The following PLPPR1 variants were observed in gnomAD, a reference collection of about 807,000 sequenced individuals.
PLPPR1 encodes phospholipid phosphatase related 1, also known as phospholipid phosphatase-related protein type 1.
Under a neutral mutation model 33.1 loss-of-function variants are expected in PLPPR1, and 10 were observed. The ratio of observed to expected loss-of-function variants is 0.30; its 90% CI spans 0.19 to 0.51. The LOEUF (loss-of-function observed/expected upper bound fraction) is 0.51, where lower values mean the gene tolerates loss of function less well. Ranked by LOEUF, PLPPR1 falls within the 20% of genes least tolerant of loss-of-function variation. The pLI is 0.97. For missense variants in PLPPR1, 304 were observed against 408.1 expected (o/e 0.74, Z 2.20); for synonymous variants, 151 against 151.0 (o/e 1.00, Z 0.00).
At chr9:101,269,764 G>C in intron 2 of PLPPR1, 116 bp from the exon 3 acceptor site, 1 of 973,136 alleles carries the variant, frequency 1.0e-6, no homozygotes, top group South Asian at 1.4e-5. Flanking sequence ...GCACACACTC[G>C]CCAATACCAA....
intron 2 of PLPPR1, among the ~76,000 whole-genome samples, chr9:101,246,055 A>AAT (rs58070017): frequency 5.3e-4 from 45 of 85,604 alleles, no homozygotes; most frequent in East Asian, 7.8e-4. Flanking sequence ...ATTGAATATG[A>AAT]ATATATATAT....
At chr9:101,169,903 C>A (rs1022151390) in intron 1 of PLPPR1, among the ~76,000 whole-genome samples, 7 of 151,402 alleles carry the variant, frequency 4.6e-5, no homozygotes, top group Admixed American at 1.3e-4. Flanking sequence ...TGAGTTCTAT[C>A]TAGTTGCAGT....
In PLPPR1 at chr9:101,214,193, C is replaced by T. The variant is rs549893277; in HGVS notation, c.63+28636C>T. Among the ~76,000 whole-genome samples, 24 of 152,288 alleles carry T rather than the reference C, an allele frequency of 1.6e-4. No individual in the cohort carries two copies. The East Asian group carries it at 4.4e-3, about 28-fold the overall frequency. On this transcript the variant is annotated intron_variant, in intron 2 of 7. Transcript: ENST00000374874. ...GGTCAGAAATATTTTTGTTCAAGTC[C>T]ATTCAAGAATCAATCACATTCTGCA...
In PLPPR1 at chr9:101,116,279, C is replaced by T. The variant is rs1831116797; in HGVS notation, c.-45-69171C>T. On this transcript the variant is annotated intron_variant, in intron 1 of 7. Coordinates refer to ENST00000374874, the MANE Select transcript of PLPPR1 (RefSeq NM_207299.2). ...TTTTTCTGAATTTAGACTAACTCTGCTTATTCATGTGAAACCACCAGTGAT... is the reference window on the plus strand; with the variant it reads ...TTTTTCTGAATTTAGACTAACTCTGTTTATTCATGTGAAACCACCAGTGAT... 2.0e-5 allele frequency among the ~76,000 whole-genome samples: 3 copies of T among 152,246 alleles called. No homozygotes were observed. In the South Asian group the frequency reaches 6.2e-4, roughly 32 times the overall value.
chr9:101,256,589 A>G (rs1198164417), intron 2 of PLPPR1, among the ~76,000 whole-genome samples: 2 of 152,134 alleles, frequency 1.3e-5, no homozygotes, highest in African/African-American at 4.8e-5. Context: ...GGTGGTGCTC[A>G]TTGTAAAGTA....
intron 1 of PLPPR1, among the ~76,000 whole-genome samples, chr9:101,146,355 C>A (rs866994122): frequency 6.6e-5 from 10 of 152,162 alleles, no homozygotes; most frequent in Admixed American, 2.6e-4. Context: ...CACTTCATCT[C>A]CTCTTATAAG....
intron 2 of PLPPR1, among the ~76,000 whole-genome samples, chr9:101,220,956 G>C: frequency 6.6e-6 from 1 of 152,192 alleles, no homozygotes; most frequent in East Asian, 1.9e-4. Flanking sequence ...TGAAGAAATG[G>C]ATGCTGGGTT....
At chr9:101,132,336 G>T (rs947270047) in intron 1 of PLPPR1, among the ~76,000 whole-genome samples, 1 of 152,026 alleles carries the variant, frequency 6.6e-6, no homozygotes, top group East Asian at 1.9e-4. Context: ...GTGCTAAAAA[G>T]AAATAAGCTA....
At chr9:101,255,266 G>A (rs923616080) in intron 2 of PLPPR1, among the ~76,000 whole-genome samples, 2 of 152,070 alleles carry the variant, frequency 1.3e-5, no homozygotes, top group African/African-American at 4.8e-5. Context: ...AAATACTGCA[G>A]CATGACCAAT....
intron 7 of PLPPR1, among the ~76,000 whole-genome samples, chr9:101,323,118 C>T (rs192039071): frequency 5.7e-4 from 87 of 152,150 alleles, no homozygotes; most frequent in African/African-American, 2.0e-3. Flanking sequence ...TAAAAATGTG[C>T]GGGATGCTAA....
chr9:101,148,255 G>C lies in PLPPR1; in HGVS notation c.-45-37195G>C, dbSNP rs143873705. Among the ~76,000 whole-genome samples the C allele has an allele frequency of 7.6e-3, 1,159 of 152,166 alleles. 9 individuals are homozygous for C. Among genetic ancestry groups the C allele is most frequent in the African/African-American group, 0.024 (1,005 of 41,512 alleles). ...CCATATTTCACTGGCTGGGGACTCTGCCCTCTTTTAAAGGAAACTTAAGTG... is the reference window on the plus strand; with the variant it reads ...CCATATTTCACTGGCTGGGGACTCTCCCCTCTTTTAAAGGAAACTTAAGTG... On this transcript the variant is annotated intron_variant, in intron 1 of 7. Coordinates refer to ENST00000374874, the MANE Select transcript of PLPPR1 (RefSeq NM_207299.2).
intron 1 of PLPPR1, among the ~76,000 whole-genome samples, chr9:101,042,629 CA>C (rs1295765710): frequency 2.0e-5 from 3 of 151,710 alleles, no homozygotes; most frequent in Non-Finnish European, 4.4e-5. Flanking sequence ...TCTTTTTCTT[CA>C]AAAAAAATTC....
chr9:101,190,843 T>C (rs1826285512), intron 2 of PLPPR1, among the ~76,000 whole-genome samples: 2 of 152,132 alleles, frequency 1.3e-5, no homozygotes, highest in Admixed American at 6.5e-5. Flanking sequence ...CAAGAGCACC[T>C]ACAGGGAAAA....
intron 1 of PLPPR1, among the ~76,000 whole-genome samples, chr9:101,055,408 G>A (rs1217887814): frequency 6.6e-6 from 1 of 152,158 alleles, no homozygotes; most frequent in East Asian, 1.9e-4. Flanking sequence ...CTCCAGCTGA[G>A]ACAGTTGGTT....
chr9:101,172,362 A>T, intron 1 of PLPPR1, among the ~76,000 whole-genome samples: 1 of 151,932 alleles, frequency 6.6e-6, no homozygotes, highest in East Asian at 1.9e-4. Flanking sequence ...GGAAAAAAAA[A>T]AACAAAATAT....
At chr9:101,180,099 T>C (rs1266677838) in intron 1 of PLPPR1, among the ~76,000 whole-genome samples, 2 of 7,540 alleles carry the variant, frequency 2.7e-4, no homozygotes, top group African/African-American at 1.2e-3. Flanking sequence ...CTCCTTTATA[T>C]ATATATATAT....
intron 1 of PLPPR1, among the ~76,000 whole-genome samples, chr9:101,059,715 A>G (rs1830321036): frequency 6.6e-6 from 1 of 152,112 alleles, no homozygotes; most frequent in Non-Finnish European, 1.5e-5. Context: ...ATATGACAAA[A>G]TGCTGAATAT....
intron 1 of PLPPR1, among the ~76,000 whole-genome samples, chr9:101,093,797 T>C (rs998616613): frequency 6.6e-6 from 1 of 152,208 alleles, no homozygotes; most frequent in Non-Finnish European, 1.5e-5. Flanking sequence ...GAATGCATGA[T>C]GACCAGGAAT....
At position 101,276,940 on chromosome 9, in the gene PLPPR1, A is replaced by AC. The variant is rs1395704508; in HGVS notation, c.252+6874dup. On this transcript the variant is annotated intron_variant, in intron 3 of 7. Transcript: ENST00000374874. ...TCTAGAGCTGAATTGCATCATTTAC[A>AC]CCTAAGAGCTCTTGAACTAGCCAAA... Among the ~76,000 whole-genome samples the AC allele has an allele frequency of 9.2e-5, 14 of 152,310 alleles. No homozygotes were observed. The East Asian group carries it at 1.3e-3, about 15-fold the overall frequency.
Sources: allele counts gnomAD v4.1 joint callset (sites outside exome capture counted in the v4.1 genomes callset), GRCh38; gene constraint gnomAD v4.1.1; transcripts MANE v1.5; gene names NCBI Gene and HGNC (gene_info 2026-07-23, HGNC 2026-07-21).